Variants in LRRC71 observed in about 807,000 individuals in gnomAD.
The protein encoded by LRRC71 is leucine-rich repeat-containing protein 71.
A neutral mutation model predicts 66.6 loss-of-function variants in LRRC71; 54 were observed. That is an observed-to-expected ratio of 0.81 (90% CI 0.65 to 1.02). LRRC71 has a LOEUF of 1.02. Among genes scored for constraint, LRRC71 ranks in the 50% least tolerant of loss-of-function variants. The pLI is 0.00. For synonymous variants in LRRC71, 323 were observed against 303.9 expected, an observed-to-expected ratio of 1.06 and a Z score of -0.65; for missense variants, 724 against 718.0, an observed-to-expected ratio of 1.01 and a Z score of -0.10.
chr1:156,921,138 G>A (rs1391324739), intron 1 of LRRC71, among the ~76,000 whole-genome samples, 175 bp downstream of exon 1: 2 of 152,308 alleles, frequency 1.3e-5, no homozygotes, highest in Non-Finnish European at 2.9e-5. Context: ...CCCACACTCT[G>A]GTTTGGGATG....
the LRRC71 span, chr1:156,939,428 C>T: frequency 8.5e-6 from 12 of 1,409,848 alleles, no homozygotes; most frequent in Admixed American, 5.9e-5. Context: ...CAGGACCCAG[C>T]GTAGGTCTCT....
chr1:156,922,277 C>G (rs1652507731), intron 1 of LRRC71, among the ~76,000 whole-genome samples: 1 of 152,050 alleles, frequency 6.6e-6, no homozygotes, highest in South Asian at 2.1e-4. Context: ...AGGATCCAGC[C>G]TTACAGGTTG....
chr1:156,936,497 A>ATATATATATATATATATAT (rs1553192805), downstream of LRRC71, among the ~76,000 whole-genome samples: 2 of 33,936 alleles, frequency 5.9e-5, no homozygotes, highest in East Asian at 2.2e-3. Context: ...AAAAAAAAAA[A>ATATATATATATATATATAT]ATATATATAT....
In LRRC71 at chr1:156,928,007, G is replaced by A. The variant is rs967918649; in HGVS notation, c.996+3G>A. On this transcript the variant is annotated splice_donor_region_variant and intron_variant, in intron 9 of 14. Transcript: ENST00000337428. ...GGACACAGGAGCGCTCGCGATCGGT[G>A]AGGAGCTACCAGGCCCCAGGACCAG... The A allele has an allele frequency of 1.2e-5, 19 of 1,591,836 alleles. No individual in the cohort carries two copies. The Admixed American group carries it at 2.8e-4, about 23-fold the overall frequency.
chr1:156,934,857 T>C (rs1332142750), downstream of LRRC71: 1 of 151,104 alleles, frequency 6.6e-6, no homozygotes, highest in Non-Finnish European at 1.5e-5. Flanking sequence ...TATTTAACTT[T>C]TCTTAAAAAA....
intron 1 of LRRC71, among the ~76,000 whole-genome samples, chr1:156,922,137 G>A (rs1272220052): frequency 1.3e-5 from 2 of 152,152 alleles, no homozygotes; most frequent in Admixed American, 1.3e-4. Context: ...GAGAGGTTAG[G>A]GGTGGAGTTG....
At chr1:156,936,520 A>ATATATATC, downstream of LRRC71, among the ~76,000 whole-genome samples, 1 of 135,692 alleles carries the variant, frequency 7.4e-6, no homozygotes, top group East Asian at 2.1e-4. Flanking sequence ...ATATATATAT[A>ATATATATC]TATATAAAAT....
At chr1:156,934,408 G>C (rs1172683962), downstream of LRRC71, among the ~76,000 whole-genome samples, 1 of 152,160 alleles carries the variant, frequency 6.6e-6, no homozygotes, top group Non-Finnish European at 1.5e-5. Flanking sequence ...GTGATGAACT[G>C]GCCAGGCCTG....
Position 156,933,061 on chromosome 1 carries a change from C to A in LRRC71, c.*92C>A. The A allele has an allele frequency of 3.5e-6, 3 of 850,034 alleles. No individual in the cohort carries two copies. The highest frequency in any genetic ancestry group is 1.7e-5 in the South Asian group (1 of 59,960). 52.7% of individuals were successfully genotyped at this position (850,034 alleles called of 1,614,324 possible). On this transcript the variant is annotated 3_prime_UTR_variant, in exon 15 of 15. Coordinates refer to ENST00000337428, the MANE Select transcript of LRRC71 (RefSeq NM_144702.3). ...GACCTCCCTGGGGGAGATCTCAGAC[C>A]AATAACAAAGTCTGTTGCTATACTT...
downstream of LRRC71, among the ~76,000 whole-genome samples, chr1:156,937,860 C>CT (rs1655828071): frequency 6.6e-6 from 1 of 152,216 alleles, no homozygotes; most frequent in Non-Finnish European, 1.5e-5. Flanking sequence ...CAGCAGCCCT[C>CT]TTGCCCTGCC....
At chr1:156,935,673 GCACATACAGGCGTGCGCGTGTACA>G (rs903460539), downstream of LRRC71, 4 of 257,478 alleles carry the variant, frequency 1.6e-5, no homozygotes, top group Non-Finnish European at 2.9e-5. Context: ...TGAGGGCAGC[GCACATACAGGCGTGCGCGTGTACA>G]CACATATGTG....
intron 9 of LRRC71, among the ~76,000 whole-genome samples, chr1:156,928,538 CTTCCT>C (rs1341565432): frequency 7.5e-6 from 1 of 133,736 alleles, no homozygotes; most frequent in African/African-American, 2.9e-5. Context: ...TCTTCTTCTT[CTTCCT>C]TTCTTCTTTC....
chr1:156,932,125 C>A, intron 13 of LRRC71, 98 bp downstream of exon 13: 1 of 988,980 alleles, frequency 1.0e-6, no homozygotes, highest in South Asian at 1.5e-5. Flanking sequence ...CAGAGCTGGT[C>A]CTCCCATCTT....
chr1:156,921,604 C>G (rs1164580731), intron 1 of LRRC71: 19 of 984,580 alleles, frequency 1.9e-5, no homozygotes, highest in Non-Finnish European at 2.3e-5. Flanking sequence ...TTTGTCAGTG[C>G]TGGTGGATGG....
chr1:156,928,563 C>CTTTTTTTTTTTTTTTTTTTTTT (rs58180096), intron 9 of LRRC71, among the ~76,000 whole-genome samples: 1 of 80,244 alleles, frequency 1.2e-5, no homozygotes, highest in East Asian at 4.2e-4. Context: ...CTTCTTCTTA[C>CTTTTTTTTTTTTTTTTTTTTTT]TTTTTTTTTT....
In LRRC71 at chr1:156,932,894, C is replaced by T. The variant is rs1236925441; in HGVS notation, c.1605C>T (p.Ile535=). ...FAPQCPAYAI[I]QELMLPRDPI... is the part of the protein sequence containing the mutation. ...CACAATGTCCTGCGTACGCCATAAT[C>T]CAGGAGCTGATGTTGCCAAGGGATC... The change falls in exon 15 of 15, where the codon ATC becomes ATT. Residue 535 remains isoleucine (I), a synonymous_variant. Coordinates refer to ENST00000337428, the MANE Select transcript of LRRC71 (RefSeq NM_144702.3). The T allele has an allele frequency of 1.2e-6, 2 of 1,608,398 alleles. No homozygotes were observed. Among genetic ancestry groups the T allele is most frequent in the African/African-American group, 1.3e-5 (1 of 74,852 alleles).
Position 156,920,858 on chromosome 1 carries a change from AC to A in LRRC71, c.58del (p.Gln20ArgfsTer7). On this transcript the variant is annotated frameshift_variant, in exon 1 of 15. Coordinates refer to ENST00000337428, the MANE Select transcript of LRRC71 (RefSeq NM_144702.3). LOFTEE classifies it high-confidence loss of function. This position sits in a 1 kb window ranked among gnomAD's most constrained non-coding sequence, Gnocchi z 4.9. ...GASPRAPRPG[T>X]QKSSGAVTKK... ...CTCACCCAGGGCCCCGCGTCCGGGG[AC>A]CCAGAAGTCTTCTGGCGCGGTGACC... The A allele has an allele frequency of 1.3e-6, 2 of 1,541,192 alleles. No homozygotes were observed. The highest frequency in any genetic ancestry group is 1.8e-6 in the Non-Finnish European group (2 of 1,142,728).
In LRRC71 at chr1:156,932,782, A is replaced by ATT. The variant is rs11415803; in HGVS notation, c.1564-61_1564-60dup. 7.7e-3 allele frequency: 9,025 copies of ATT among 1,170,990 alleles called. 1 individual carries two copies. Among genetic ancestry groups the ATT allele is most frequent in the East Asian group, 0.029 (1,017 of 35,610 alleles). 72.5% of individuals were successfully genotyped at this position (1,170,990 alleles called of 1,614,324 possible). A position where few individuals can be genotyped will look rare whatever the true frequency, so the allele number is the denominator to read the frequency against. On this transcript the variant is annotated intron_variant, in intron 14 of 14. Transcript: ENST00000337428. ...CCCTAACCCACCCTGCCCCAGGACC[A>ATT]TTTTTTTTTTTCTGCCAGAGGACTA...
intron 1 of LRRC71, chr1:156,921,817 C>A (rs969310960): frequency 4.0e-6 from 1 of 251,118 alleles, no homozygotes; most frequent in Non-Finnish European, 6.3e-6. Context: ...GATGAGTTAC[C>A]GGACTATTTC....
Sources: allele counts gnomAD v4.1 joint callset (sites outside exome capture counted in the v4.1 genomes callset), GRCh38; gene constraint gnomAD v4.1.1; non-coding constraint Gnocchi (gnomAD v3.1); transcripts MANE v1.5; gene names NCBI Gene and HGNC (gene_info 2026-07-23, HGNC 2026-07-21).